Variants in ATXN7L1 observed in about 807,000 individuals in gnomAD.
ATXN7L1 encodes the protein ataxin 7 like 1.
In ATXN7L1, 15 loss-of-function variants were observed where a neutral mutation model predicts 70.8. The observed-to-expected ratio is 0.21, with a 90% confidence interval of 0.14 to 0.33. The LOEUF is 0.33. Among genes scored for constraint, ATXN7L1 ranks in the 10% least tolerant of loss-of-function variants. ATXN7L1 has a pLI of 1.00. For missense variants in ATXN7L1, 975 were observed against 1,097.1 expected (o/e 0.89, Z 1.57); for synonymous variants, 440 against 445.1 (o/e 0.99, Z 0.14).
intron 3 of ATXN7L1, among the ~76,000 whole-genome samples, chr7:105,677,618 ACCACAG>A (rs1804887888): frequency 6.6e-6 from 1 of 152,222 alleles, no homozygotes; most frequent in Non-Finnish European, 1.5e-5. Context: ...GAAGGTGGCT[ACCACAG>A]TGCCAACTCA....
At chr7:105,678,755 C>G (rs1805101585) in intron 3 of ATXN7L1, among the ~76,000 whole-genome samples, 1 of 152,138 alleles carries the variant, frequency 6.6e-6, no homozygotes, top group South Asian at 2.1e-4. Context: ...CCACTCCACT[C>G]CTTCTCAGGC....
At chr7:105,637,958 C>T (rs562282200) in intron 7 of ATXN7L1, among the ~76,000 whole-genome samples, 7 of 152,286 alleles carry the variant, frequency 4.6e-5, no homozygotes, top group South Asian at 4.1e-4. Context: ...CTCCAGGAAT[C>T]GTCAACTAAT....
chr7:105,862,356 T>C (rs1816763680), intron 2 of ATXN7L1, among the ~76,000 whole-genome samples: 2 of 152,100 alleles, frequency 1.3e-5, no homozygotes, highest in African/African-American at 2.4e-5. Context: ...GGAGGATCAC[T>C]TGAGCCCGGG....
intron 2 of ATXN7L1, among the ~76,000 whole-genome samples, chr7:105,843,804 C>T (rs1232112804): frequency 6.6e-6 from 1 of 152,206 alleles, no homozygotes; most frequent in Non-Finnish European, 1.5e-5. Context: ...AGCTATGGCC[C>T]AGGGATGGCT....
chr7:105,823,849 G>A lies in ATXN7L1; in HGVS notation c.251-35141C>T, dbSNP rs150892706. On this transcript the variant is annotated intron_variant, in intron 2 of 11. Coordinates refer to ENST00000419735, the MANE Select transcript of ATXN7L1 (RefSeq NM_020725.2). Reference sequence around the variant, plus strand: ...GTTTGGATGCAAAGTGAGTATATCCGCCTGGGATATAACCCTTGGGAGGCC... The same window carrying A: ...GTTTGGATGCAAAGTGAGTATATCCACCTGGGATATAACCCTTGGGAGGCC... 2.2e-3 allele frequency among the ~76,000 whole-genome samples: 339 copies of A among 152,262 alleles called. 2 individuals carry two copies. The highest frequency in any genetic ancestry group is 7.7e-3 in the African/African-American group (322 of 41,552).
At chr7:105,693,252 T>G (rs1463948704) in intron 3 of ATXN7L1, among the ~76,000 whole-genome samples, 2 of 152,138 alleles carry the variant, frequency 1.3e-5, no homozygotes, top group Non-Finnish European at 2.9e-5. Flanking sequence ...AGTGCAGTGG[T>G]GCCATCATAG....
At chr7:105,868,867 G>C (rs1345370944) in intron 2 of ATXN7L1, among the ~76,000 whole-genome samples, 1 of 152,178 alleles carries the variant, frequency 6.6e-6, no homozygotes, top group Non-Finnish European at 1.5e-5. Flanking sequence ...CAACTTAGAA[G>C]GCAAATTATC....
intron 7 of ATXN7L1, among the ~76,000 whole-genome samples, chr7:105,635,604 T>A (rs1797240544): frequency 6.6e-6 from 1 of 152,234 alleles, no homozygotes; most frequent in Non-Finnish European, 1.5e-5. Flanking sequence ...AGTTGAGATT[T>A]CCACTTCAAA....
At chr7:105,815,552 C>T (rs55956371) in intron 2 of ATXN7L1, among the ~76,000 whole-genome samples, 1 of 152,308 alleles carries the variant, frequency 6.6e-6, no homozygotes, top group East Asian at 1.9e-4. Context: ...GCTGAAAACT[C>T]TATACCCAAC....
chr7:105,739,600 C>T (rs1797786486), intron 3 of ATXN7L1, among the ~76,000 whole-genome samples: 1 of 152,246 alleles, frequency 6.6e-6, no homozygotes, highest in Admixed American at 6.5e-5. Flanking sequence ...AATCCCACTT[C>T]TGTCACTAAT....
intron 7 of ATXN7L1, among the ~76,000 whole-genome samples, chr7:105,635,214 G>A (rs1020726740): frequency 6.6e-5 from 10 of 152,178 alleles, no homozygotes; most frequent in Non-Finnish European, 1.5e-4. Context: ...AGCCCTCTTT[G>A]CCCTTTCCAA....
chr7:105,690,521 C>T (rs1029423895), intron 3 of ATXN7L1, among the ~76,000 whole-genome samples: 2 of 152,264 alleles, frequency 1.3e-5, no homozygotes, highest in African/African-American at 2.4e-5. Flanking sequence ...TAAGCAGACC[C>T]GCTCCTCAGA....
At chr7:105,832,055 A>G (rs1811699767) in intron 2 of ATXN7L1, among the ~76,000 whole-genome samples, 1 of 152,312 alleles carries the variant, frequency 6.6e-6, no homozygotes, top group Non-Finnish European at 1.5e-5. Context: ...CCATGTGACT[A>G]TATTGGAAGG....
intron 3 of ATXN7L1, among the ~76,000 whole-genome samples, chr7:105,749,340 G>C (rs1798927580): frequency 6.6e-6 from 1 of 151,870 alleles, no homozygotes; most frequent in African/African-American, 2.4e-5. Context: ...AAGAAAGTGG[G>C]CTTTTCAAAA....
chr7:105,786,465 T>C (rs1440562959), intron 3 of ATXN7L1, among the ~76,000 whole-genome samples: 6 of 152,218 alleles, frequency 3.9e-5, no homozygotes, highest in African/African-American at 1.4e-4. Flanking sequence ...GATCCTTCCA[T>C]CAAAGACTCC....
intron 3 of ATXN7L1, among the ~76,000 whole-genome samples, chr7:105,766,087 C>T (rs751730437): frequency 6.6e-5 from 10 of 151,288 alleles, no homozygotes; most frequent in Admixed American, 2.0e-4. Flanking sequence ...GGAGGTGTGC[C>T]GAGGGGCTGA....
At chr7:105,660,027 T>C (rs1801337314) in intron 4 of ATXN7L1, among the ~76,000 whole-genome samples, 1 of 152,122 alleles carries the variant, frequency 6.6e-6, no homozygotes, top group Non-Finnish European at 1.5e-5. Context: ...ACAACTCTGC[T>C]GTCGTAATGC....
chr7:105,722,560 TAAAAAAAAAAA>T (rs56228890), intron 3 of ATXN7L1, among the ~76,000 whole-genome samples: 6 of 20,844 alleles, frequency 2.9e-4, no homozygotes, highest in Non-Finnish European at 3.9e-4. Flanking sequence ...GACTCTGCCT[TAAAAAAAAAAA>T]AAAAAAAAAA....
chr7:105,729,931 G>T (rs1584858381), intron 3 of ATXN7L1, among the ~76,000 whole-genome samples: 3 of 150,802 alleles, frequency 2.0e-5, no homozygotes, highest in African/African-American at 7.3e-5. Context: ...TAGAGATGGG[G>T]TTTCACCGTG....
Sources: gnomAD v4.1 joint callset for allele counts (sites outside exome capture counted in the v4.1 genomes callset) on GRCh38, gnomAD v4.1.1 for gene constraint, MANE v1.5 for transcripts, NCBI Gene and HGNC (gene_info 2026-07-23, HGNC 2026-07-21) for gene names.